The following PRKN variants were observed in gnomAD, a reference collection of about 807,000 sequenced individuals.
The protein encoded by PRKN is parkin RBR E3 ubiquitin protein ligase.
A neutral mutation model predicts 59.5 loss-of-function variants in PRKN; 56 were observed. The ratio of observed to expected loss-of-function variants is 0.94; its 90% CI spans 0.76 to 1.18. PRKN has a LOEUF of 1.18. PRKN is among the 50% of genes most tolerant of loss of function. PRKN has a pLI of 0.00. For missense variants in PRKN, 657 were observed against 596.4 expected, an observed-to-expected ratio of 1.10 and a Z score of -1.06; for synonymous variants, 250 against 222.1, an observed-to-expected ratio of 1.13 and a Z score of -1.12.
At chr6:162,236,520 C>A (rs1322905707) in intron 3 of PRKN, among the ~76,000 whole-genome samples, 1 of 152,058 alleles carries the variant, frequency 6.6e-6, no homozygotes, top group Non-Finnish European at 1.5e-5. Context: ...GGTGTGGTGG[C>A]TCACGCCTGT....
At chr6:161,769,553 T>C (rs984633415) in intron 7 of PRKN, among the ~76,000 whole-genome samples, 2 of 152,152 alleles carry the variant, frequency 1.3e-5, no homozygotes, top group African/African-American at 4.8e-5. Context: ...AAATTCCTCT[T>C]TTCTCTGGTT....
At chr6:162,457,381 A>AT (rs1332332725) in intron 1 of PRKN, among the ~76,000 whole-genome samples, 4 of 152,160 alleles carry the variant, frequency 2.6e-5, no homozygotes, top group Non-Finnish European at 5.9e-5. Flanking sequence ...CCCCAAAAAC[A>AT]TTTTTAAAAT....
At chr6:162,369,773 A>G (rs1785646051) in intron 2 of PRKN, among the ~76,000 whole-genome samples, 1 of 152,148 alleles carries the variant, frequency 6.6e-6, no homozygotes, top group Non-Finnish European at 1.5e-5. Context: ...CCTCTTTATA[A>G]TAACAGAAAT....
intron 4 of PRKN, among the ~76,000 whole-genome samples, chr6:162,094,812 T>C (rs1488059105): frequency 6.6e-6 from 1 of 152,182 alleles, no homozygotes; most frequent in Non-Finnish European, 1.5e-5. Flanking sequence ...ACTATGTAAA[T>C]TTAGGAGGGA....
intron 6 of PRKN, among the ~76,000 whole-genome samples, chr6:161,821,719 C>CTTTTTTTTTTTTTTTTT (rs531807176): frequency 2.3e-4 from 15 of 64,704 alleles, no homozygotes; most frequent in African/African-American, 3.6e-4. Flanking sequence ...CACTGGTGTT[C>CTTTTTTTTTTTTTTTTT]TTTTTTTTTT....
At chr6:162,276,947 C>CA (rs1780662017) in intron 2 of PRKN, among the ~76,000 whole-genome samples, 1 of 151,244 alleles carries the variant, frequency 6.6e-6, no homozygotes, top group East Asian at 1.9e-4. Flanking sequence ...AATATAAATA[C>CA]AAAAAAGAAT....
At chr6:162,475,656 C>T (rs950186310) in intron 1 of PRKN, among the ~76,000 whole-genome samples, 5 of 152,192 alleles carry the variant, frequency 3.3e-5, no homozygotes, top group Non-Finnish European at 7.3e-5. Flanking sequence ...CACAGGGCTG[C>T]GTGTGCAATG....
At chr6:161,635,919 G>A (rs1783497086) in intron 7 of PRKN, among the ~76,000 whole-genome samples, 1 of 152,210 alleles carries the variant, frequency 6.6e-6, no homozygotes, top group Non-Finnish European at 1.5e-5. Flanking sequence ...TGCAGGAGGG[G>A]AAGTGCTTGT....
In PRKN at chr6:161,440,063, G is replaced by T. The variant is rs1331582101; in HGVS notation, c.1084-53186C>A. 1.3e-5 allele frequency among the ~76,000 whole-genome samples: 2 copies of T among 151,630 alleles called. No individual in the cohort carries two copies. The highest frequency in any genetic ancestry group is 2.9e-5 in the Non-Finnish European group (2 of 67,946). On this transcript the variant is annotated intron_variant, in intron 9 of 11. Transcript: ENST00000366898. The surrounding 1 kb of genome is among the most constrained non-coding windows in gnomAD (Gnocchi z 4.1). Reference sequence around the variant, plus strand: ...CCTCCCGGGTTCATGCTACTCTCCTGCCTCAGCCTCCTGAGTAGCTGGGAC... The same window carrying T: ...CCTCCCGGGTTCATGCTACTCTCCTTCCTCAGCCTCCTGAGTAGCTGGGAC...
chr6:161,427,126 C>G (rs922679922), intron 9 of PRKN, among the ~76,000 whole-genome samples: 1 of 152,028 alleles, frequency 6.6e-6, no homozygotes, highest in Non-Finnish European at 1.5e-5. Flanking sequence ...TCAAGCAATC[C>G]TCCCACCTCA....
intron 2 of PRKN, among the ~76,000 whole-genome samples, chr6:162,443,096 C>G (rs766180521): frequency 2.6e-5 from 4 of 152,188 alleles, no homozygotes; most frequent in Non-Finnish European, 5.9e-5. Flanking sequence ...CTCTCTTTCT[C>G]ACTCGCAGTT....
intron 3 of PRKN, among the ~76,000 whole-genome samples, chr6:162,223,646 C>A (rs1307853668): frequency 9.7e-6 from 1 of 103,354 alleles, no homozygotes; most frequent in Non-Finnish European, 1.8e-5. Context: ...CACACACACA[C>A]ACACACACAC....
chr6:161,444,746 C>T lies in PRKN; in HGVS notation c.1084-57869G>A, dbSNP rs781132525. On this transcript the variant is annotated intron_variant, in intron 9 of 11. Transcript: ENST00000366898. The surrounding 1 kb of genome is among the most constrained non-coding windows in gnomAD (Gnocchi z 5.6). Reference sequence around the variant, plus strand: ...CATTTGTTCCCCTTGATGAATGAAACGGCACTCTTGACATGCTGTACGGAC... The same window carrying T: ...CATTTGTTCCCCTTGATGAATGAAATGGCACTCTTGACATGCTGTACGGAC... Among the ~76,000 whole-genome samples, 8 of 152,340 alleles carry T rather than the reference C, an allele frequency of 5.3e-5. No individual in the cohort carries two copies. Among genetic ancestry groups the T allele is most frequent in the South Asian group, 4.1e-4 (2 of 4,824 alleles).
intron 2 of PRKN, among the ~76,000 whole-genome samples, chr6:162,329,443 C>T (rs1783474678): frequency 6.6e-6 from 1 of 152,136 alleles, no homozygotes; most frequent in Admixed American, 6.6e-5. Context: ...AAATGTTTAA[C>T]AACCGTTGCA....
chr6:162,290,190 C>G (rs1781365027), intron 2 of PRKN, among the ~76,000 whole-genome samples: 1 of 152,160 alleles, frequency 6.6e-6, no homozygotes, highest in African/African-American at 2.4e-5. Context: ...CATTCCCTCT[C>G]ATTTTGCATG....
chr6:162,113,374 A>G (rs191514057), intron 4 of PRKN, among the ~76,000 whole-genome samples: 15 of 152,340 alleles, frequency 9.8e-5, no homozygotes, highest in Admixed American at 7.2e-4. Flanking sequence ...CTCCTTTCCC[A>G]TAAAGTCAAC....
At chr6:161,801,124 C>T (rs993846449) in intron 6 of PRKN, among the ~76,000 whole-genome samples, 22 of 152,140 alleles carry the variant, frequency 1.4e-4, no homozygotes, top group African/African-American at 3.9e-4. Flanking sequence ...TATCAAACAC[C>T]CACTGTCCAC....
intron 6 of PRKN, among the ~76,000 whole-genome samples, chr6:161,945,106 C>G (rs1004062905): frequency 1.7e-5 from 2 of 118,914 alleles, no homozygotes; most frequent in Non-Finnish European, 3.8e-5. Context: ...CTGAATATAA[C>G]TTTTTTAAAA....
intron 2 of PRKN, among the ~76,000 whole-genome samples, chr6:162,414,735 T>C (rs1182735797): frequency 1.4e-5 from 1 of 71,446 alleles, no homozygotes; most frequent in Non-Finnish European, 2.7e-5. Context: ...AAAGTGAATC[T>C]TTGAAGTTTT....
Sources: allele counts gnomAD v4.1 joint callset (sites outside exome capture counted in the v4.1 genomes callset), GRCh38; gene constraint gnomAD v4.1.1; non-coding constraint Gnocchi (gnomAD v3.1); transcripts MANE v1.5; gene names NCBI Gene and HGNC (gene_info 2026-07-23, HGNC 2026-07-21).